The following PTGR3 variants were observed in gnomAD, a reference collection of about 807,000 sequenced individuals.
The protein encoded by PTGR3 is prostaglandin reductase 3.
the PTGR3 span, chr18:75,195,679 G>A: frequency 8.5e-5 from 13 of 152,196 alleles, no homozygotes; most frequent in Admixed American, 2.0e-4. Context: ...TTGGATGGCC[G>A]AGGCAGGAAA....
the PTGR3 span, among the ~76,000 whole-genome samples, chr18:75,206,502 GAACT>G: frequency 1.3e-5 from 2 of 152,170 alleles, no homozygotes; most frequent in Non-Finnish European, 2.9e-5. Flanking sequence ...GGATTAAAAT[GAACT>G]AACCTGCAGT....
At chr18:75,208,660 G>C in the PTGR3 span, among the ~76,000 whole-genome samples, 1 of 152,182 alleles carries the variant, frequency 6.6e-6, no homozygotes, top group Non-Finnish European at 1.5e-5. Flanking sequence ...ACCAGCAACA[G>C]TCACATCACA....
chr18:75,201,062 T>G, the PTGR3 span: 2 of 203,160 alleles, frequency 9.8e-6, no homozygotes, highest in Middle Eastern at 1.9e-3. Flanking sequence ...CTTTCAAAAC[T>G]GATTTTAAAA....
chr18:75,203,914 G>C, the PTGR3 span, among the ~76,000 whole-genome samples: 1 of 152,232 alleles, frequency 6.6e-6, no homozygotes, highest in African/African-American at 2.4e-5. Context: ...GCTGGAGCCC[G>C]TCTCAGTGCC....
the PTGR3 span, chr18:75,196,666 T>G: frequency 1.4e-5 from 2 of 147,546 alleles, no homozygotes; most frequent in Admixed American, 1.4e-4. Context: ...AAGTCTGTAC[T>G]TTGGCCCAGC....
chr18:75,196,852 G>A, the PTGR3 span: 2 of 152,052 alleles, frequency 1.3e-5, no homozygotes, highest in African/African-American at 4.8e-5. Context: ...GGACAATGTG[G>A]ACCACAGAGC....
the PTGR3 span, chr18:75,195,173 C>T: frequency 6.6e-6 from 1 of 152,222 alleles, no homozygotes; most frequent in Non-Finnish European, 1.5e-5. Flanking sequence ...TTCCTCCTAG[C>T]ATTAAAACTA....
chr18:75,208,910 G>T, the PTGR3 span: 731 of 1,576,646 alleles, frequency 4.6e-4, 2 homozygotes, highest in Middle Eastern at 8.5e-4. Flanking sequence ...CCGGCTCAGG[G>T]TGACGGCCTC....
chr18:75,201,106 G>A, the PTGR3 span: 4 of 337,252 alleles, frequency 1.2e-5, no homozygotes, highest in African/African-American at 2.1e-5. Flanking sequence ...GACTCGATCA[G>A]ATCTGGCATC....
chr18:75,208,570 G>GTGGTGGT, the PTGR3 span: 2 of 962,976 alleles, frequency 2.1e-6, no homozygotes, highest in Non-Finnish European at 2.6e-6. Context: ...GGGGAGGAGG[G>GTGGTGGT]AGGGCTGGAG....
At chr18:75,205,381 C>G in the PTGR3 span, 3 of 985,510 alleles carry the variant, frequency 3.0e-6, no homozygotes, top group Non-Finnish European at 3.6e-6. Context: ...ACCCCCACCC[C>G]CCCTTTAATT....
chr18:75,198,337 T>C, the PTGR3 span: 4 of 152,204 alleles, frequency 2.6e-5, no homozygotes, highest in Non-Finnish European at 5.9e-5. Context: ...ATTTTCATTT[T>C]AATAAGAAGC....
chr18:75,206,434 GA>G, the PTGR3 span, among the ~76,000 whole-genome samples: 1 of 152,222 alleles, frequency 6.6e-6, no homozygotes, highest in Non-Finnish European at 1.5e-5. Context: ...TGATAAAAAT[GA>G]GAGGCACTTG....
At chr18:75,205,873 C>T in the PTGR3 span, among the ~76,000 whole-genome samples, 2 of 152,152 alleles carry the variant, frequency 1.3e-5, no homozygotes. Context: ...CCGTAAGCAA[C>T]AAACCGTTTA....
chr18:75,200,629 T>G, the PTGR3 span: 1 of 152,158 alleles, frequency 6.6e-6, no homozygotes, highest in Non-Finnish European at 1.5e-5. Context: ...GAGCGCACAC[T>G]TTTCTCTTTC....
the PTGR3 span, chr18:75,201,929 A>G: frequency 3.7e-6 from 6 of 1,614,120 alleles, no homozygotes; most frequent in Admixed American, 1.0e-4. Flanking sequence ...CAGACTTTTC[A>G]TCAGAAGAGC....
the PTGR3 span, chr18:75,202,076 G>A: frequency 6.2e-7 from 1 of 1,614,106 alleles, no homozygotes; most frequent in Admixed American, 1.7e-5. Flanking sequence ...TGTATGCGGT[G>A]GTGCCACTTA....
chr18:75,198,668 G>C, the PTGR3 span: 1 of 152,158 alleles, frequency 6.6e-6, no homozygotes, highest in Non-Finnish European at 1.5e-5. Flanking sequence ...AATGGTAACA[G>C]ATCACTGGGA....
At chr18:75,196,965 G>A in the PTGR3 span, 2 of 152,122 alleles carry the variant, frequency 1.3e-5, no homozygotes, top group African/African-American at 4.8e-5. Context: ...TTGACTTCCT[G>A]TGAATATCAA....
Sources: gnomAD v4.1 joint callset for allele counts (sites outside exome capture counted in the v4.1 genomes callset) on GRCh38, gnomAD v4.1.1 for gene constraint, MANE v1.5 for transcripts, NCBI Gene and HGNC (gene_info 2026-07-23, HGNC 2026-07-21) for gene names.